LMO7: variants seen among roughly 807,000 people sequenced by gnomAD.
The protein encoded by LMO7 is LIM domain 7.
Under a neutral mutation model 206.5 loss-of-function variants are expected in LMO7, and 120 were observed. The ratio of observed to expected loss-of-function variants is 0.58; its 90% CI spans 0.50 to 0.68. The LOEUF is 0.68. Ranked by LOEUF, LMO7 falls within the 30% of genes least tolerant of loss-of-function variation. The pLI, the probability that LMO7 is intolerant of heterozygous loss-of-function variation, is 0.00. For synonymous variants in LMO7, 706 were observed against 681.5 expected (o/e 1.04, Z -0.56); for missense variants, 1,959 against 1,957.9 (o/e 1.00, Z -0.01).
intron 3 of LMO7, among the ~76,000 whole-genome samples, chr13:75,749,550 A>T (rs930489014): frequency 2.0e-5 from 3 of 152,272 alleles, no homozygotes; most frequent in Middle Eastern, 3.4e-3. Flanking sequence ...GAAGCATTTC[A>T]ACTAGCCTTT....
upstream of LMO7, among the ~76,000 whole-genome samples, chr13:75,635,140 A>T (rs1369762755): frequency 6.6e-6 from 1 of 152,238 alleles, no homozygotes; most frequent in Non-Finnish European, 1.5e-5. Flanking sequence ...TGTTAAATAC[A>T]GACGCTAGGT....
rs33997803 is a variant in LMO7 at position 75,651,309 on chromosome 13, C to CT, written c.69+14599dup. ...TCGTTATTCAGTTTAGTGTGGTTTC[C>CT]TTTTTTTTTTTTTTTTCTGAGACAG... On this transcript the variant is annotated intron_variant, in intron 1 of 30. Coordinates refer to ENST00000377534, the MANE Select transcript of LMO7 (RefSeq NM_001306080.2). Among the ~76,000 whole-genome samples the CT allele has an allele frequency of 8.8e-3, 1,185 of 135,420 alleles. 15 individuals are homozygous for CT. The highest frequency in any genetic ancestry group is 0.021 in the African/African-American group (793 of 37,064). 88.8% of individuals were successfully genotyped at this position (135,420 alleles called of 152,430 possible).
At chr13:75,714,039 A>G (rs1349345419) in intron 2 of LMO7, among the ~76,000 whole-genome samples, 1 of 152,182 alleles carries the variant, frequency 6.6e-6, no homozygotes, top group South Asian at 2.1e-4. Flanking sequence ...AATTATTTCA[A>G]TCTAGACACT....
chr13:75,811,386 A>G (rs934528426), intron 11 of LMO7, among the ~76,000 whole-genome samples: 3 of 152,122 alleles, frequency 2.0e-5, no homozygotes, highest in African/African-American at 7.2e-5. Context: ...AGTGAAAAGA[A>G]AATAGAAATT....
rs1345630134 is a variant in LMO7 at position 75,737,793 on chromosome 13, A to AT, written c.210+10695_210+10696insT. On this transcript the variant is annotated intron_variant, in intron 3 of 30. Coordinates refer to ENST00000377534, the MANE Select transcript of LMO7 (RefSeq NM_001306080.2). Reference sequence around the variant, plus strand: ...AAAATAAAATAAAATAAAAAAAAAAAAAAAAAAACTTTTTACTTTGAAATA... The same window carrying AT: ...AAAATAAAATAAAATAAAAAAAAAAATAAAAAAAACTTTTTACTTTGAAATA... Among the ~76,000 whole-genome samples the AT allele has an allele frequency of 3.9e-5, 5 of 128,112 alleles. 1 individual carries two copies. The highest frequency in any genetic ancestry group is 3.3e-5 in the Non-Finnish European group (2 of 59,822). 84.0% of individuals were successfully genotyped at this position (128,112 alleles called of 152,430 possible).
chr13:75,637,422 A>G (rs919824267), intron 1 of LMO7, among the ~76,000 whole-genome samples: 22 of 152,296 alleles, frequency 1.4e-4, no homozygotes, highest in Non-Finnish European at 2.6e-4. Flanking sequence ...ACCCTGAAAA[A>G]GAGCGGGTCT....
At chr13:75,710,034 A>G (rs958125841) in intron 1 of LMO7, among the ~76,000 whole-genome samples, 6 of 152,212 alleles carry the variant, frequency 3.9e-5, no homozygotes, top group African/African-American at 1.2e-4. Context: ...CAGTTTTCCC[A>G]GCACCATTTA....
At chr13:75,856,929 T>C (rs2061009841) in intron 30 of LMO7, 1 of 174,746 alleles carries the variant, frequency 5.7e-6, no homozygotes, top group African/African-American at 2.4e-5. Context: ...CCAAAACACT[T>C]AAATGAATCT....
chr13:75,792,349 C>T (rs932267098), intron 4 of LMO7, among the ~76,000 whole-genome samples: 2 of 152,088 alleles, frequency 1.3e-5, no homozygotes, highest in African/African-American at 4.8e-5. Flanking sequence ...CTACTTTGTC[C>T]AGAAGGAAAT....
chr13:75,657,880 A>G (rs1371073742), intron 1 of LMO7, among the ~76,000 whole-genome samples: 1 of 152,182 alleles, frequency 6.6e-6, no homozygotes, highest in Non-Finnish European at 1.5e-5. Context: ...TTGATGTCAC[A>G]GTCAGGCATT....
chr13:75,623,640 G>A (rs1211338341), intron 2 of LMO7, among the ~76,000 whole-genome samples: 1 of 151,574 alleles, frequency 6.6e-6, no homozygotes, highest in Non-Finnish European at 1.5e-5. Context: ...TGGGATTACA[G>A]GCATGAGCCA....
In LMO7 at chr13:75,844,095, ATAAT is replaced by A. The variant is rs528348934; in HGVS notation, c.4097+1183_4097+1186del. On this transcript the variant is annotated intron_variant, in intron 25 of 30. Transcript: ENST00000377534. ...TATATAGCTCATGACCTTGGGGAAA[ATAAT>A]TAAAATGCAGAGAAAGGAAACTTAA... 1.1e-4 allele frequency among the ~76,000 whole-genome samples: 16 copies of A among 152,282 alleles called. No homozygotes were observed. In the East Asian group the frequency reaches 2.3e-3, roughly 22 times the overall value.
intron 6 of LMO7, 102 bp downstream of exon 6, chr13:75,796,851 A>G (rs2054082712): frequency 4.1e-6 from 3 of 732,274 alleles, no homozygotes; most frequent in South Asian, 1.7e-5. Flanking sequence ...TATAACAAAT[A>G]TGGCAACTCC....
intron 2 of LMO7, among the ~76,000 whole-genome samples, chr13:75,725,162 G>A (rs949149996): frequency 2.6e-5 from 4 of 151,906 alleles, no homozygotes; most frequent in Non-Finnish European, 5.9e-5. Context: ...TTTTTTAAAT[G>A]TACTTTCTCT....
At chr13:75,747,291 T>A (rs2139336720) in intron 3 of LMO7, among the ~76,000 whole-genome samples, 1 of 152,296 alleles carries the variant, frequency 6.6e-6, no homozygotes, top group Admixed American at 6.5e-5. Context: ...TATATCCAGC[T>A]TACTTTTCTT....
At chr13:75,802,271 T>C (rs751169714) in intron 7 of LMO7, among the ~76,000 whole-genome samples, 3 of 152,226 alleles carry the variant, frequency 2.0e-5, no homozygotes, top group Non-Finnish European at 4.4e-5. Context: ...TTAACCTTTA[T>C]AATTACTGCC....
chr13:75,648,498 A>G (rs1328153342), intron 1 of LMO7, among the ~76,000 whole-genome samples: 2 of 152,142 alleles, frequency 1.3e-5, no homozygotes, highest in Non-Finnish European at 2.9e-5. Context: ...TCCCTTACAT[A>G]GCCCTGCCTG....
chr13:75,665,643 C>T (rs1247082676), intron 1 of LMO7, among the ~76,000 whole-genome samples: 1 of 152,112 alleles, frequency 6.6e-6, no homozygotes, highest in African/African-American at 2.4e-5. Flanking sequence ...TCTCCTGCCT[C>T]AGCCTCCCAA....
chr13:75,689,193 C>T (rs909984921), intron 1 of LMO7: 1 of 152,096 alleles, frequency 6.6e-6, no homozygotes, highest in Non-Finnish European at 1.5e-5. Context: ...CAGCTCACTC[C>T]ACATCATTTA....
Sources: gnomAD v4.1 joint callset for allele counts (sites outside exome capture counted in the v4.1 genomes callset) on GRCh38, gnomAD v4.1.1 for gene constraint, MANE v1.5 for transcripts, NCBI Gene and HGNC (gene_info 2026-07-23, HGNC 2026-07-21) for gene names.